Variants in CREM observed in about 807,000 individuals in gnomAD.
CREM encodes the protein cAMP responsive element modulator.
In CREM, 13 loss-of-function variants were observed where a neutral mutation model predicts 37.3. The observed-to-expected ratio is 0.35, with a 90% CI of 0.23 to 0.55. The LOEUF (loss-of-function observed/expected upper bound fraction) is 0.55, where lower values mean the gene tolerates loss of function less well. Among genes scored for constraint, CREM ranks in the 20% least tolerant of loss-of-function variants. The pLI, the probability that CREM is intolerant of heterozygous loss-of-function variation, is 0.88. For synonymous variants in CREM, 124 were observed against 120.2 expected (o/e 1.03, Z -0.21); for missense variants, 296 against 362.3 (o/e 0.82, Z 1.49).
At chr10:35,165,211 A>G (rs1430914733) in intron 3 of CREM, among the ~76,000 whole-genome samples, 1 of 152,126 alleles carries the variant, frequency 6.6e-6, no homozygotes, top group Non-Finnish European at 1.5e-5. Flanking sequence ...AGAAGCTTCA[A>G]ATCATGGCAG....
At chr10:35,137,442 C>T (rs1197349525) in intron 1 of CREM, among the ~76,000 whole-genome samples, 1 of 152,018 alleles carries the variant, frequency 6.6e-6, no homozygotes, top group African/African-American at 2.4e-5. Context: ...ATGAGCTATA[C>T]TTAGTATTAG....
chr10:35,141,011 A>G (rs570274938), intron 2 of CREM, among the ~76,000 whole-genome samples: 3 of 152,348 alleles, frequency 2.0e-5, no homozygotes, highest in Middle Eastern at 6.8e-3. Flanking sequence ...GACTTTGGAA[A>G]AAGACCTTGG....
intron 3 of CREM, chr10:35,154,167 G>A (rs145089818): frequency 1.3e-5 from 5 of 398,346 alleles, no homozygotes; most frequent in South Asian, 1.3e-4. Flanking sequence ...TGTCATGTGC[G>A]AGTTGTAAAT....
chr10:35,184,772 A>G (rs1239247230), intron 5 of CREM, among the ~76,000 whole-genome samples: 1 of 151,984 alleles, frequency 6.6e-6, no homozygotes, highest in African/African-American at 2.4e-5. Flanking sequence ...CATTACTGAA[A>G]AGAAAAAAGG....
intron 3 of CREM, among the ~76,000 whole-genome samples, chr10:35,161,014 C>T (rs2093260333): frequency 6.6e-6 from 1 of 152,096 alleles, no homozygotes; most frequent in South Asian, 2.1e-4. Flanking sequence ...GGCTGTTTTA[C>T]AGTTAACTTT....
chr10:35,209,147 C>G (rs1291868127), intron 7 of CREM, among the ~76,000 whole-genome samples: 1 of 152,142 alleles, frequency 6.6e-6, no homozygotes, highest in Non-Finnish European at 1.5e-5. Flanking sequence ...CAAAAATACC[C>G]CATGATAACC....
chr10:35,196,895 G>A (rs12247825), intron 6 of CREM, among the ~76,000 whole-genome samples: 43,022 of 138,158 alleles, frequency 0.31, 6,794 homozygotes, highest in Non-Finnish European at 0.34. Context: ...TTTGAGACGG[G>A]GTCTCGCTCT....
rs59065152 is a variant in CREM at position 35,140,577 on chromosome 10, A to C, written c.44+2698A>C. On this transcript the variant is annotated intron_variant, in intron 2 of 7. Coordinates refer to ENST00000685392, the MANE Select transcript of CREM (RefSeq NM_183011.2). ...AGGCACTGGGAATGCATGGAAATCT[A>C]TAAGATGGGATCCCTGTCCCTGAGT... Among the ~76,000 whole-genome samples the C allele has an allele frequency of 2.0e-5, 3 of 152,310 alleles. No individual in the cohort carries two copies. The East Asian group carries it at 5.8e-4, about 29-fold the overall frequency.
At chr10:35,155,633 T>A (rs989617995) in intron 3 of CREM, among the ~76,000 whole-genome samples, 1 of 3,342 alleles carries the variant, frequency 3.0e-4, no homozygotes, top group African/African-American at 3.1e-4. Context: ...TTTCTTTTCT[T>A]TTTTTTTTTG....
chr10:35,165,499 T>C (rs1470084800), intron 3 of CREM, among the ~76,000 whole-genome samples: 1 of 152,202 alleles, frequency 6.6e-6, no homozygotes, highest in Non-Finnish European at 1.5e-5. Context: ...GTAATTCTTC[T>C]TTCCTGTTGC....
chr10:35,201,181 G>A (rs994798151), intron 6 of CREM, among the ~76,000 whole-genome samples: 7 of 152,092 alleles, frequency 4.6e-5, no homozygotes, highest in Non-Finnish European at 7.4e-5. Context: ...AACAAAATAA[G>A]GAATAAGAGC....
At chr10:35,139,646 A>G (rs2091154558) in intron 2 of CREM, among the ~76,000 whole-genome samples, 1 of 152,206 alleles carries the variant, frequency 6.6e-6, no homozygotes, top group Admixed American at 6.5e-5. Flanking sequence ...TACATAGTTA[A>G]TTAAAGACTA....
At chr10:35,201,510 A>G in intron 6 of CREM, 1 of 1,551,592 alleles carries the variant, frequency 6.4e-7, no homozygotes, top group Non-Finnish European at 8.7e-7. Context: ...CTGGACTAGA[A>G]CCCAGACTCC....
chr10:35,148,334 C>T (rs2092325773), intron 2 of CREM, 34 bp from the exon 3 acceptor site: 1 of 1,591,976 alleles, frequency 6.3e-7, no homozygotes, highest in Non-Finnish European at 8.5e-7. Context: ...TAAGATAGGG[C>T]CTTAATTTGT....
At chr10:35,183,873 G>A (rs1303967741) in intron 5 of CREM, among the ~76,000 whole-genome samples, 4 of 152,132 alleles carry the variant, frequency 2.6e-5, no homozygotes, top group Non-Finnish European at 5.9e-5. Flanking sequence ...TCAGGCATTC[G>A]AGACCAGCCT....
chr10:35,185,479 C>G (rs2094519560), intron 5 of CREM, among the ~76,000 whole-genome samples: 1 of 152,124 alleles, frequency 6.6e-6, no homozygotes, highest in Non-Finnish European at 1.5e-5. Context: ...TCTGTGACAT[C>G]AAACTAATTA....
intron 5 of CREM, among the ~76,000 whole-genome samples, chr10:35,182,990 C>T (rs547089412): frequency 2.2e-4 from 33 of 152,306 alleles, no homozygotes; most frequent in African/African-American, 7.9e-4. Context: ...GTAAAAGCAA[C>T]CGAGGAAATT....
intron 3 of CREM, among the ~76,000 whole-genome samples, chr10:35,166,377 A>G (rs968085675): frequency 6.6e-6 from 1 of 152,018 alleles, no homozygotes; most frequent in South Asian, 2.1e-4. Flanking sequence ...GCCTGACAAC[A>G]TGGTGAAACT....
Position 35,206,329 on chromosome 10 carries a change from A to G in CREM, c.599-566A>G, listed in dbSNP as rs138376575. 1.5e-4 allele frequency among the ~76,000 whole-genome samples: 23 copies of G among 152,150 alleles called. No individual in the cohort carries two copies. The East Asian group carries it at 1.7e-3, about 11-fold the overall frequency. ...ATGCATATATACATACACATACACAATTTACACATTAAAAACATTAGTACT... is the reference window on the plus strand; with the variant it reads ...ATGCATATATACATACACATACACAGTTTACACATTAAAAACATTAGTACT... On this transcript the variant is annotated intron_variant, in intron 6 of 7. Transcript: ENST00000685392.
Sources: allele counts gnomAD v4.1 joint callset (sites outside exome capture counted in the v4.1 genomes callset), GRCh38; gene constraint gnomAD v4.1.1; transcripts MANE v1.5; gene names NCBI Gene and HGNC (gene_info 2026-07-23, HGNC 2026-07-21).